TERT: variants seen among roughly 807,000 people sequenced by gnomAD.
TERT encodes telomerase catalytic subunit.
TERT carries 42 observed loss-of-function variants against 104.0 expected under a neutral mutation model. The ratio of observed to expected loss-of-function variants is 0.40; its 90% CI spans 0.32 to 0.52. The LOEUF (loss-of-function observed/expected upper bound fraction) is 0.52, where lower values mean the gene tolerates loss of function less well. Ranked by LOEUF, TERT falls within the 20% of genes least tolerant of loss-of-function variation. The pLI is 0.43. For missense variants in TERT, 1,101 were observed against 1,610.3 expected (o/e 0.68, Z 5.41); for synonymous variants, 781 against 725.6 (o/e 1.08, Z -1.23).
rs1441707106 is a variant in TERT, at chr5:1,292,615, T to C, written c.1573+698A>G. Among the ~76,000 whole-genome samples, 2 of 152,054 alleles carry C rather than the reference T, an allele frequency of 1.3e-5. No homozygotes were observed. The highest frequency in any genetic ancestry group is 4.8e-5 in the African/African-American group (2 of 41,382). ...GCAGCCTCCGCCTCCTGGGTTCAAG[T>C]GATTCTCCTGCCTCAGCCTCCCAAG... On this transcript the variant is annotated intron_variant, in intron 2 of 15. Coordinates refer to ENST00000310581, the MANE Select transcript of TERT (RefSeq NM_198253.3). The surrounding 1 kb of genome is among the most constrained non-coding windows in gnomAD (Gnocchi z 5.5).
intron 10 of TERT, 117 bp downstream of exon 10, chr5:1,266,347 C>CAG (rs1218212125): frequency 1.0e-6 from 1 of 989,902 alleles, no homozygotes; most frequent in East Asian, 2.6e-5. Flanking sequence ...CCAGCACCGG[C>CAG]AGAGAGAGAG....
chr5:1,282,010 C>T (rs952413487), intron 3 of TERT, among the ~76,000 whole-genome samples: 2 of 152,026 alleles, frequency 1.3e-5, no homozygotes, highest in Admixed American at 6.6e-5. Context: ...ATCGCTTAAA[C>T]CCAGGAGGTG....
Position 1,295,067 on chromosome 5 carries a change from A to G in TERT, c.-78T>C, listed in dbSNP as rs1467435130. The G allele has an allele frequency of 1.7e-6, 1 of 575,386 alleles. No homozygotes were observed. Among genetic ancestry groups the G allele is most frequent in the Non-Finnish European group, 2.1e-6 (1 of 468,544 alleles). The allele number at this position is 575,386 out of a possible 1,614,324, so 35.6% of individuals were successfully genotyped here. A position where few individuals can be genotyped will look rare whatever the true frequency, so the allele number is the denominator to read the frequency against. On this transcript the variant is annotated 5_prime_UTR_variant, in exon 1 of 16. Coordinates refer to ENST00000310581, the MANE Select transcript of TERT (RefSeq NM_198253.3). The stretch of plus-strand genomic sequence containing the variant: ...TGCCTGAAACTCGCGCCGCGAGGAG[A>G]GGGCGGGGCCGCGGAAAGGAAGGGG...
rs1017766887 is a variant in TERT at position 1,261,088 on chromosome 5, C to T, written c.2844-488G>A. ...GGCTCCAGTGAGTGCACGTGGCACA[C>T]ATGGTGTCTCCAGAGGGGCAGGATG... On this transcript the variant is annotated intron_variant, in intron 11 of 15. Coordinates refer to ENST00000310581, the MANE Select transcript of TERT (RefSeq NM_198253.3). The surrounding 1 kb of genome is among the most constrained non-coding windows in gnomAD (Gnocchi z 7.4). Among the ~76,000 whole-genome samples the T allele has an allele frequency of 6.6e-6, 1 of 152,176 alleles. No individual in the cohort carries two copies. The highest frequency in any genetic ancestry group is 1.5e-5 in the Non-Finnish European group (1 of 68,042).
In TERT at chr5:1,294,215, C is replaced by T. The variant is rs1388678536; in HGVS notation, c.671G>A (p.Arg224His). Reference sequence around the variant, plus strand: ...CAGACTTCGGCTGGCACTGCCCCCGCGCCTCCTCGCACCCGGGGCTGGCAG... The same window carrying T: ...CAGACTTCGGCTGGCACTGCCCCCGTGCCTCCTCGCACCCGGGGCTGGCAG... ...LGLPAPGARR[R>H]GGSASRSLPL... The change falls in exon 2 of 16, where the codon CGC becomes CAC. Residue 224 changes from arginine (R) to histidine (H), a missense_variant. Physicochemically the swap from Arg to His is conservative, Grantham distance 29. Around this residue, in one of 5 missense-constraint regions of TERT, gnomAD observed 504 missense variants for 544.6 expected, o/e 0.93. Coordinates refer to ENST00000310581, the MANE Select transcript of TERT (RefSeq NM_198253.3). 6.3e-7 allele frequency: 1 copy of T among 1,582,916 alleles called. No individual in the cohort carries two copies. The highest frequency in any genetic ancestry group is 1.3e-5 in the African/African-American group (1 of 74,520).
In TERT at chr5:1,265,246, G is replaced by A. The variant is rs113766752; in HGVS notation, c.2655-654C>T. On this transcript the variant is annotated intron_variant, in intron 10 of 15. Transcript: ENST00000310581. This position sits in a 1 kb window ranked among gnomAD's most constrained non-coding sequence, Gnocchi z 6.9. ...CCTGGGCATCCCCTTCCCTTCCTGC[G>A]GCCTCTGCTGTGGCCCCGGGCGTCC... Among the ~76,000 whole-genome samples the A allele has an allele frequency of 7.5e-4, 114 of 152,148 alleles. No homozygotes were observed. The highest frequency in any genetic ancestry group is 2.3e-3 in the African/African-American group (95 of 41,506).
rs483352771 is a variant in TERT, at chr5:1,272,213, G to A, written c.2354C>T (p.Pro785Leu). ...QFVAHLQETSPLRDAVVIEQS... is the reference protein window; with the variant it reads ...QFVAHLQETSLLRDAVVIEQS... ...CTCGATGACGACGGCATCCCTCAGC[G>A]GGCTGGTCTCCTGCAGGTGAGCCAC... The change falls in exon 7 of 16, where the codon CCG becomes CTG. Residue 785 changes from proline to leucine, a missense_variant. Physicochemically the swap from Pro to Leu is moderately conservative, Grantham distance 98 (BLOSUM62 -3). Coordinates refer to ENST00000310581, the MANE Select transcript of TERT (RefSeq NM_198253.3). 5.0e-6 allele frequency: 8 copies of A among 1,612,740 alleles called. No homozygotes were observed. Among genetic ancestry groups the A allele is most frequent in the East Asian group, 2.2e-5 (1 of 44,864 alleles).
At chr5:1,281,116 C>T (rs899681895) in intron 3 of TERT, among the ~76,000 whole-genome samples, 4 of 152,294 alleles carry the variant, frequency 2.6e-5, no homozygotes, top group South Asian at 2.1e-4. Context: ...GGGACCACCA[C>T]GTCTGTCTGC....
intron 6 of TERT, among the ~76,000 whole-genome samples, chr5:1,276,228 C>G (rs1306145002): frequency 6.7e-6 from 1 of 148,710 alleles, no homozygotes; most frequent in African/African-American, 2.5e-5. Flanking sequence ...CCCACAGATC[C>G]CCACCTACCC....
At chr5:1,264,078 G>A (rs2126593829) in intron 11 of TERT, among the ~76,000 whole-genome samples, 1 of 152,312 alleles carries the variant, frequency 6.6e-6, no homozygotes. Context: ...TTTCGGGTTT[G>A]GAGAGACTCA....
At chr5:1,285,314 C>T (rs561850193) in intron 2 of TERT, among the ~76,000 whole-genome samples, 4 of 152,288 alleles carry the variant, frequency 2.6e-5, no homozygotes, top group Admixed American at 6.5e-5. Flanking sequence ...GACCTCATCC[C>T]GGACCTGCAC....
Position 1,254,471 on chromosome 5 carries a change from A to C in TERT, c.3192T>G (p.Pro1064=). 2 of 1,612,846 alleles carry C rather than the reference A, an allele frequency of 1.2e-6. No individual in the cohort carries two copies. Among genetic ancestry groups the C allele is most frequent in the Non-Finnish European group, 1.7e-6 (2 of 1,179,882 alleles). ...GCCACTGCACGGCCTCGGAGGGCAGAGGGCCGGCGGCGCCCTTGGCCCCCA... is the reference window on the plus strand; with the variant it reads ...GCCACTGCACGGCCTCGGAGGGCAGCGGGCCGGCGGCGCCCTTGGCCCCCA... ...MSLGAKGAAG[P]LPSEAVQWLC... is the part of the protein sequence containing the mutation. The change falls in exon 15 of 16, where the codon CCT becomes CCG. Residue 1064 remains proline (P), a synonymous_variant. Coordinates refer to ENST00000310581, the MANE Select transcript of TERT (RefSeq NM_198253.3).
chr5:1,260,211 G>A (rs547792541), intron 12 of TERT, among the ~76,000 whole-genome samples: 40 of 152,304 alleles, frequency 2.6e-4, no homozygotes, highest in African/African-American at 6.7e-4. Context: ...ATGCCCACAC[G>A]ACTGTGCACG....
rs1478155942 is a variant in TERT at position 1,288,287 on chromosome 5, AG to A, written c.1573+5025del. Among the ~76,000 whole-genome samples the A allele has an allele frequency of 1.3e-5, 2 of 152,226 alleles. No homozygotes were observed. The highest frequency in any genetic ancestry group is 4.8e-5 in the African/African-American group (2 of 41,470). ...ACAGGGTGCAGGTAAGGCAGCACTTAGAGGGAAAGGCATGACTAAACTAAGA... is the reference window on the plus strand; with the variant it reads ...ACAGGGTGCAGGTAAGGCAGCACTTAAGGGAAAGGCATGACTAAACTAAGA... On this transcript the variant is annotated intron_variant, in intron 2 of 15. Transcript: ENST00000310581. This position sits in a 1 kb window ranked among gnomAD's most constrained non-coding sequence, Gnocchi z 5.3.
intron 2 of TERT, among the ~76,000 whole-genome samples, chr5:1,283,296 A>G (rs986590953): frequency 5.7e-4 from 63 of 110,434 alleles, no homozygotes; most frequent in Non-Finnish European, 1.1e-3. Context: ...ACCTCACGCC[A>G]GACCTGCACC....
rs941286331 is a variant in TERT at position 1,255,431 on chromosome 5, C to T, written c.3033-20G>A. 4.4e-5 allele frequency: 71 copies of T among 1,613,688 alleles called. No homozygotes were observed. Among genetic ancestry groups the T allele is most frequent in the Non-Finnish European group, 5.8e-5 (69 of 1,179,970 alleles). Reference sequence around the variant, plus strand: ...TGAAACCTGAGAGGATGGCGGACAGCGTCAGAGGAAAGGCCTCCTAATCAG... The same window carrying T: ...TGAAACCTGAGAGGATGGCGGACAGTGTCAGAGGAAAGGCCTCCTAATCAG... On this transcript the variant is annotated intron_variant, in intron 13 of 15. Transcript: ENST00000310581. This position sits in a 1 kb window ranked among gnomAD's most constrained non-coding sequence, Gnocchi z 6.9.
At chr5:1,254,595 C>A in intron 14 of TERT, 90 bp from the exon 15 acceptor site, 1 of 1,471,014 alleles carries the variant, frequency 6.8e-7, no homozygotes, top group Non-Finnish European at 9.2e-7. Context: ...CGACGGTCTG[C>A]GGGGTGGCTC....
At chr5:1,275,480 C>T (rs914255821) in intron 6 of TERT, among the ~76,000 whole-genome samples, 6 of 152,046 alleles carry the variant, frequency 3.9e-5, no homozygotes, top group Admixed American at 1.3e-4. Flanking sequence ...GGCCAATGAA[C>T]ACAAGGAGGC....
At chr5:1,266,931 T>C (rs966671008) in intron 9 of TERT, among the ~76,000 whole-genome samples, 9 of 152,184 alleles carry the variant, frequency 5.9e-5, no homozygotes, top group African/African-American at 2.2e-4. Flanking sequence ...GTCCTCAGCA[T>C]GATCCGAGAC....
Sources: allele counts gnomAD v4.1 joint callset (sites outside exome capture counted in the v4.1 genomes callset), GRCh38; gene constraint gnomAD v4.1.1; regional missense constraint gnomAD v4.1.1; non-coding constraint Gnocchi (gnomAD v3.1); transcripts MANE v1.5; gene names NCBI Gene and HGNC (gene_info 2026-07-23, HGNC 2026-07-21).